Variants in BCL2L13 observed in about 807,000 individuals in gnomAD.
BCL2L13 encodes the protein bcl-2-like protein 13.
BCL2L13 carries 13 observed loss-of-function variants against 25.8 expected under a neutral mutation model. The observed-to-expected ratio is 0.50, with a 90% confidence interval of 0.33 to 0.80. The LOEUF is 0.80. Among genes scored for constraint, BCL2L13 ranks in the 30% least tolerant of loss-of-function variants. The pLI is 0.02. For missense variants in BCL2L13, 504 were observed against 574.9 expected, an observed-to-expected ratio of 0.88 and a Z score of 1.26; for synonymous variants, 244 against 230.3, an observed-to-expected ratio of 1.06 and a Z score of -0.54.
At chr22:17,719,807 G>A (rs1356657936) in intron 6 of BCL2L13, among the ~76,000 whole-genome samples, 1 of 121,116 alleles carries the variant, frequency 8.3e-6, no homozygotes, top group Non-Finnish European at 1.6e-5. Context: ...CCAGCCTGGC[G>A]AAAGAGTGAG....
chr22:17,672,348 G>A (rs949244502), intron 2 of BCL2L13, among the ~76,000 whole-genome samples: 1 of 152,202 alleles, frequency 6.6e-6, no homozygotes, highest in Non-Finnish European at 1.5e-5. Flanking sequence ...GGGAGCTCTA[G>A]TCCATTCAAC....
rs200714925 is a variant in BCL2L13 at position 17,728,129 on chromosome 22, C to CA, written c.*595_*596insA. ...CTGCACCCACTCTTTTTTTGCCCCC[C>CA]GCCCTCATCCTGGAGTGTGAGGGTG... On this transcript the variant is annotated 3_prime_UTR_variant, in exon 7 of 7. Coordinates refer to ENST00000317582, the MANE Select transcript of BCL2L13 (RefSeq NM_015367.4). 5 of 154,952 alleles carry CA rather than the reference C, an allele frequency of 3.2e-5. No homozygotes were observed. Among genetic ancestry groups the CA allele is most frequent in the African/African-American group, 1.3e-4 (5 of 38,828 alleles). The allele number at this position is 154,952 out of a possible 1,614,324, so 9.6% of individuals were successfully genotyped here. A position where few individuals can be genotyped will look rare whatever the true frequency, so the allele number is the denominator to read the frequency against.
chr22:17,702,577 G>A (rs1479580189), intron 6 of BCL2L13, 191 bp downstream of exon 6: 7 of 473,430 alleles, frequency 1.5e-5, no homozygotes, highest in Non-Finnish European at 1.1e-5. Flanking sequence ...ATAGCCAAGA[G>A]CACAGGCTGG....
chr22:17,710,589 T>TAA (rs2060724622), intron 6 of BCL2L13, among the ~76,000 whole-genome samples: 1 of 146,522 alleles, frequency 6.8e-6, no homozygotes, highest in Admixed American at 6.8e-5. Flanking sequence ...CAAAAAAAAG[T>TAA]AAATAAAAAT....
chr22:17,657,458 A>G (rs1260730748), intron 2 of BCL2L13, among the ~76,000 whole-genome samples: 5 of 151,886 alleles, frequency 3.3e-5, no homozygotes, highest in Admixed American at 2.6e-4. Context: ...ATATCTCACT[A>G]TCATTTTCCT....
intron 2 of BCL2L13, among the ~76,000 whole-genome samples, chr22:17,670,394 G>A (rs1240861000): frequency 2.5e-4 from 22 of 89,100 alleles, no homozygotes; most frequent in Admixed American, 6.9e-4. Context: ...TTTTTTTTAA[G>A]ACAGAGTTTC....
At chr22:17,650,715 GT>G (rs200961966) in intron 1 of BCL2L13, among the ~76,000 whole-genome samples, 6 of 151,786 alleles carry the variant, frequency 4.0e-5, no homozygotes, top group Non-Finnish European at 8.8e-5. Flanking sequence ...ATTCACATTG[GT>G]TTTTTTTAAA....
chr22:17,718,924 T>C (rs1295037713), intron 6 of BCL2L13, among the ~76,000 whole-genome samples: 1 of 151,900 alleles, frequency 6.6e-6, no homozygotes, highest in Admixed American at 6.6e-5. Flanking sequence ...TTTGGGAGGC[T>C]GAGGTGGGTG....
intron 1 of BCL2L13, among the ~76,000 whole-genome samples, chr22:17,641,800 T>G (rs982256070): frequency 9.3e-5 from 8 of 85,772 alleles, no homozygotes; most frequent in Admixed American, 5.0e-4. Flanking sequence ...TAATATGTGT[T>G]TTTTTTTTTT....
At chr22:17,722,710 G>C (rs902383366) in intron 6 of BCL2L13, among the ~76,000 whole-genome samples, 1 of 152,054 alleles carries the variant, frequency 6.6e-6, no homozygotes, top group African/African-American at 2.4e-5. Flanking sequence ...GAATTAATTA[G>C]TTGTCAATTT....
Position 17,730,129 on chromosome 22 carries a change from C to T in BCL2L13, c.*2595C>T, listed in dbSNP as rs188857903. Reference sequence around the variant, plus strand: ...GTCCTTAGACCTCATCTCAACTGCTCTGTTGAAGGTAATGATTTATTGGGG... The same window carrying T: ...GTCCTTAGACCTCATCTCAACTGCTTTGTTGAAGGTAATGATTTATTGGGG... On this transcript the variant is annotated 3_prime_UTR_variant, in exon 7 of 7. Coordinates refer to ENST00000317582, the MANE Select transcript of BCL2L13 (RefSeq NM_015367.4). 6.6e-6 allele frequency: 1 copy of T among 152,186 alleles called. No homozygotes were observed. Among genetic ancestry groups the T allele is most frequent in the Non-Finnish European group, 1.5e-5 (1 of 68,038 alleles). The allele number at this position is 152,186 out of a possible 1,614,324, so 9.4% of individuals were successfully genotyped here.
At chr22:17,726,449 A>G (rs1316782608) in intron 6 of BCL2L13, among the ~76,000 whole-genome samples, 3 of 151,834 alleles carry the variant, frequency 2.0e-5, no homozygotes, top group Non-Finnish European at 4.4e-5. Context: ...CACTGAATGT[A>G]TATTAACTTA....
At chr22:17,677,981 G>A (rs1601621286) in intron 2 of BCL2L13, among the ~76,000 whole-genome samples, 2 of 152,282 alleles carry the variant, frequency 1.3e-5, no homozygotes, top group African/African-American at 2.4e-5. Context: ...AAGAGGTTGA[G>A]GCTCTTGTGA....
Position 17,701,482 on chromosome 22 carries a change from A to G in BCL2L13, c.457-761A>G, listed in dbSNP as rs200659649. Among the ~76,000 whole-genome samples the G allele has an allele frequency of 7.2e-5, 11 of 152,284 alleles. No individual in the cohort carries two copies. In the East Asian group the frequency reaches 2.1e-3, roughly 29 times the overall value. On this transcript the variant is annotated intron_variant, in intron 5 of 6. Transcript: ENST00000317582. ...GTTTTTATTACACAAATGGTACTGT[A>G]TGTATTCTTCTATAACTTGCCTTTT... is the stretch of plus-strand genomic sequence containing the variant.
chr22:17,664,488 A>G (rs550734298), intron 2 of BCL2L13, among the ~76,000 whole-genome samples: 4 of 152,048 alleles, frequency 2.6e-5, no homozygotes, highest in African/African-American at 9.7e-5. Flanking sequence ...GCAAGCTGTC[A>G]GTGGATCTAC....
In BCL2L13 at chr22:17,650,991, C is replaced by CTTT. The variant is rs35235295; in HGVS notation, c.-50-4653_-50-4651dup. On this transcript the variant is annotated intron_variant, in intron 1 of 6. Transcript: ENST00000317582. ...ACCGCACCTCGTCGTCCATTCACTC[C>CTTT]TTTTTTTTTTTTTTTTTTTTGAGAC... 8.7e-4 allele frequency among the ~76,000 whole-genome samples: 92 copies of CTTT among 105,404 alleles called. 2 individuals carry two copies. The highest frequency in any genetic ancestry group is 3.8e-3 in the East Asian group (14 of 3,652). 69.1% of individuals were successfully genotyped at this position (105,404 alleles called of 152,430 possible).
intron 6 of BCL2L13, among the ~76,000 whole-genome samples, chr22:17,712,884 A>G (rs932065479): frequency 1.3e-5 from 2 of 152,188 alleles, no homozygotes; most frequent in Non-Finnish European, 2.9e-5. Flanking sequence ...AAAGTTTGGG[A>G]TATTACTGAA....
At chr22:17,667,967 T>C (rs1282452632) in intron 2 of BCL2L13, among the ~76,000 whole-genome samples, 1 of 148,586 alleles carries the variant, frequency 6.7e-6, no homozygotes, top group Non-Finnish European at 1.5e-5. Context: ...GTTTGTCTTT[T>C]TTTTTTTTTT....
intron 3 of BCL2L13, among the ~76,000 whole-genome samples, chr22:17,684,207 T>A (rs950167874): frequency 6.6e-6 from 1 of 152,116 alleles, no homozygotes; most frequent in Non-Finnish European, 1.5e-5. Flanking sequence ...GACTCATGCC[T>A]GTAATTCTAG....
Sources: gnomAD v4.1 joint callset for allele counts (sites outside exome capture counted in the v4.1 genomes callset) on GRCh38, gnomAD v4.1.1 for gene constraint, MANE v1.5 for transcripts, NCBI Gene and HGNC (gene_info 2026-07-23, HGNC 2026-07-21) for gene names.